RBM4: variants seen among roughly 807,000 people sequenced by gnomAD.
RBM4 encodes the protein RNA binding motif protein 4.
RBM4 carries 7 observed loss-of-function variants against 29.5 expected under a neutral mutation model. The observed-to-expected ratio is 0.24, with a 90% CI of 0.14 to 0.45. The LOEUF (loss-of-function observed/expected upper bound fraction) is 0.45. Among genes scored for constraint, RBM4 ranks in the 20% least tolerant of loss-of-function variants. RBM4 has a pLI of 1.00. For synonymous variants in RBM4, 220 were observed against 205.4 expected (o/e 1.07, Z -0.61); for missense variants, 387 against 502.3 (o/e 0.77, Z 2.19).
exon 3 of RBM4, chr11:66,668,273 T>C (rs779373266): frequency 1.0e-5 from 2 of 199,682 alleles, no homozygotes; most frequent in East Asian, 2.2e-4. Context: ...TTCAGTCTTA[T>C]CGTGTAGATG....
At chr11:66,660,334 T>C (rs1939049765) in intron 2 of RBM4, among the ~76,000 whole-genome samples, 1 of 151,508 alleles carries the variant, frequency 6.6e-6, no homozygotes, top group Admixed American at 6.6e-5. Flanking sequence ...TTCTTTTTTT[T>C]TGAGATGGGA....
chr11:66,646,406 G>C lies in RBM4; in HGVS notation c.*388G>C. ...TCCAGGGTCTCTTTTTGGTCCAAAG[G>C]CTAGACCTATAGAGTTGGATCACTT... On this transcript the variant is annotated 3_prime_UTR_variant, in exon 4 of 4. Coordinates refer to ENST00000310092, the MANE Select transcript of RBM4 (RefSeq NM_002896.4). 9.1e-7 allele frequency: 1 copy of C among 1,102,998 alleles called. No homozygotes were observed. Among genetic ancestry groups the C allele is most frequent in the Non-Finnish European group, 1.1e-6 (1 of 902,902 alleles). The allele number at this position is 1,102,998 out of a possible 1,614,324, so 68.3% of individuals were successfully genotyped here.
At chr11:66,648,217 A>G (rs1272172523), downstream of RBM4, among the ~76,000 whole-genome samples, 1 of 152,004 alleles carries the variant, frequency 6.6e-6, no homozygotes. Context: ...ATTATTTTAT[A>G]AAATAAAATT....
intron 2 of RBM4, among the ~76,000 whole-genome samples, chr11:66,659,036 ATTTT>A (rs1215583264): frequency 6.8e-6 from 1 of 147,940 alleles, no homozygotes; most frequent in Admixed American, 6.8e-5. Context: ...ATACATTAAA[ATTTT>A]TTTTTTTCCT....
At chr11:66,649,692 C>G, downstream of RBM4, 1 of 699,126 alleles carries the variant, frequency 1.4e-6, no homozygotes, top group Non-Finnish European at 2.6e-6. Flanking sequence ...TGCTGCCACT[C>G]CTTAGGAATA....
chr11:66,639,163 T>TC (rs1266807698), intron 1 of RBM4: 1 of 154,442 alleles, frequency 6.5e-6, no homozygotes, highest in Non-Finnish European at 1.4e-5. Flanking sequence ...AGAGAGGCGT[T>TC]CACCACTCCA....
In RBM4 at chr11:66,658,947, AATAT is replaced by A. The variant is rs1343680462; in HGVS notation, c.413-6894_413-6891del. On this transcript the variant is annotated intron_variant, in intron 2 of 2. Transcript: ENST00000396053. ...GCAAGAGTGTCTCTCAAAAAAAAAA[AATAT>A]ATATATATATATATTCAGTTTTTAA... 2.5e-4 allele frequency among the ~76,000 whole-genome samples: 37 copies of A among 147,556 alleles called. 1 individual carries two copies. The highest frequency in any genetic ancestry group is 1.3e-3 in the South Asian group (6 of 4,692).
intron 2 of RBM4, among the ~76,000 whole-genome samples, chr11:66,652,045 AAAT>A (rs763748364): frequency 1.5e-4 from 23 of 152,308 alleles, no homozygotes; most frequent in African/African-American, 3.4e-4. Flanking sequence ...CTGAATATTA[AAAT>A]AATAATCTGA....
At position 66,643,890 on chromosome 11, in the gene RBM4, ACAGCTGCTGCTGCAG is replaced by A. The variant is rs748089075; in HGVS notation, c.858_872del (p.Ala291_Ala295del). ...GTTGCCGACCTCAGGAGCTGCTGCC[ACAGCTGCTGCTGCAG>A]CAGCAGCCGCTGCTGCTGTTACTGC... On this transcript the variant is annotated inframe_deletion, in exon 3 of 4. Coordinates refer to ENST00000310092, the MANE Select transcript of RBM4 (RefSeq NM_002896.4). This position sits in a 1 kb window ranked among gnomAD's most constrained non-coding sequence, Gnocchi z 6.1. 2.5e-6 allele frequency: 4 copies of A among 1,613,290 alleles called. No homozygotes were observed. The highest frequency in any genetic ancestry group is 1.7e-6 in the Non-Finnish European group (2 of 1,179,734).
At chr11:66,647,688 G>A (rs1366369076), downstream of RBM4, among the ~76,000 whole-genome samples, 1 of 152,154 alleles carries the variant, frequency 6.6e-6, no homozygotes, top group Non-Finnish European at 1.5e-5. Flanking sequence ...GAGACTAACA[G>A]TATTCATTGA....
intron 2 of RBM4, among the ~76,000 whole-genome samples, chr11:66,658,944 A>AT (rs1939017193): frequency 6.8e-6 from 1 of 146,816 alleles, no homozygotes; most frequent in Admixed American, 6.7e-5. Context: ...CTCAAAAAAA[A>AT]AAAATATATA....
intron 2 of RBM4, among the ~76,000 whole-genome samples, chr11:66,658,009 C>G (rs1329806675): frequency 7.0e-6 from 1 of 143,728 alleles, no homozygotes; most frequent in Admixed American, 6.9e-5. Flanking sequence ...CGTGAGCCAC[C>G]TAGTCTGACC....
At chr11:66,642,315 G>A (rs1938502543) in intron 2 of RBM4, among the ~76,000 whole-genome samples, 1 of 152,178 alleles carries the variant, frequency 6.6e-6, no homozygotes, top group South Asian at 2.1e-4. Context: ...TGTATGTTTA[G>A]GTGCATCATA....
At chr11:66,639,587 G>A (rs1938351067) in intron 1 of RBM4, 113 bp from the exon 2 acceptor site, 1 of 1,292,938 alleles carries the variant, frequency 7.7e-7, no homozygotes, top group Non-Finnish European at 1.1e-6. Context: ...AGGTGTGTGT[G>A]CAGGCGTGTG....
downstream of RBM4, among the ~76,000 whole-genome samples, chr11:66,650,902 C>T (rs574331678): frequency 3.3e-5 from 5 of 151,904 alleles, no homozygotes; most frequent in East Asian, 1.9e-4. Context: ...AAAAATGAGC[C>T]GGTCATGCTA....
At chr11:66,644,200 C>A (rs1938590234) in intron 3 of RBM4, 60 bp downstream of exon 3, 1 of 1,543,656 alleles carries the variant, frequency 6.5e-7, no homozygotes, top group African/African-American at 1.4e-5. Flanking sequence ...GCCTAAAGGG[C>A]TCCAATTAGG....
intron 2 of RBM4, among the ~76,000 whole-genome samples, chr11:66,656,853 G>A (rs1394813714): frequency 1.3e-5 from 2 of 151,992 alleles, no homozygotes; most frequent in African/African-American, 4.8e-5. Flanking sequence ...CAGAGACGGA[G>A]TTTCACCATG....
intron 2 of RBM4, chr11:66,665,728 T>G: frequency 7.4e-7 from 1 of 1,359,570 alleles, no homozygotes; most frequent in African/African-American, 1.5e-5. Flanking sequence ...TCATATCCCA[T>G]GTAATTACCT....
At position 66,646,194 on chromosome 11, in the gene RBM4, TTCCTC is replaced by T. The variant is rs1056078850; in HGVS notation, c.*181_*185del. 6.0e-5 allele frequency: 89 copies of T among 1,471,762 alleles called. No individual in the cohort carries two copies. The highest frequency in any genetic ancestry group is 8.5e-5 in the African/African-American group (6 of 70,900). The allele number at this position is 1,471,762 out of a possible 1,614,324, so 91.2% of individuals were successfully genotyped here. On this transcript the variant is annotated 3_prime_UTR_variant, in exon 4 of 4. Transcript: ENST00000310092. ...AGACCTTCTCTTCCTTTCCTTTCCT[TTCCTC>T]TCCTGCCCATTTTCCTGTTCTTCTG...
Sources: allele counts gnomAD v4.1 joint callset (sites outside exome capture counted in the v4.1 genomes callset), GRCh38; gene constraint gnomAD v4.1.1; non-coding constraint Gnocchi (gnomAD v3.1); transcripts MANE v1.5; gene names NCBI Gene and HGNC (gene_info 2026-07-23, HGNC 2026-07-21).